Variants in DPP8 observed in about 807,000 individuals in gnomAD.
The protein encoded by DPP8 is dipeptidyl peptidase 8.
In DPP8, 31 loss-of-function variants were observed where a neutral mutation model predicts 107.5. The ratio of observed to expected loss-of-function variants is 0.29; its 90% CI spans 0.22 to 0.39. The LOEUF is 0.39. Among genes scored for constraint, DPP8 ranks in the 10% least tolerant of loss-of-function variants. The probability of loss-of-function intolerance (pLI) is 1.00; values close to 1 mark genes in which losing one functional copy is unlikely to be tolerated. For missense variants in DPP8, 842 were observed against 1,076.1 expected (o/e 0.78, Z 3.04); for synonymous variants, 381 against 356.6 (o/e 1.07, Z -0.77).
intron 15 of DPP8, among the ~76,000 whole-genome samples, chr15:65,462,683 G>A (rs1370047718): frequency 6.6e-6 from 1 of 151,984 alleles, no homozygotes; most frequent in East Asian, 1.9e-4. Flanking sequence ...TGGTTCAAGC[G>A]ATTCTCCTGC....
Position 65,456,390 on chromosome 15 carries a change from T to G in DPP8, c.1972-19A>C. ...ACTGCACCTGAGGAAGAAACACAACTTCAGTTTATCATATGGAAGCATATA... is the reference window on the plus strand; with the variant it reads ...ACTGCACCTGAGGAAGAAACACAACGTCAGTTTATCATATGGAAGCATATA... On this transcript the variant is annotated intron_variant, in intron 15 of 19. Transcript: ENST00000300141. 6.2e-7 allele frequency: 1 copy of G among 1,601,820 alleles called. No individual in the cohort carries two copies. Among genetic ancestry groups the G allele is most frequent in the Non-Finnish European group, 8.5e-7 (1 of 1,176,082 alleles).
At chr15:65,466,077 T>C (rs1052980638) in intron 14 of DPP8, among the ~76,000 whole-genome samples, 1 of 152,208 alleles carries the variant, frequency 6.6e-6, no homozygotes, top group Non-Finnish European at 1.5e-5. Context: ...TTTGTTTACC[T>C]GAGAAATCAT....
At chr15:65,505,516 AAC>A (rs991616716) in intron 3 of DPP8, among the ~76,000 whole-genome samples, 3 of 152,192 alleles carry the variant, frequency 2.0e-5, no homozygotes, top group African/African-American at 7.2e-5. Flanking sequence ...AAAAGTTTAA[AAC>A]AGTTTTGCCA....
At chr15:65,514,691 T>C (rs1255803684) in intron 1 of DPP8, among the ~76,000 whole-genome samples, 1 of 152,180 alleles carries the variant, frequency 6.6e-6, no homozygotes, top group Non-Finnish European at 1.5e-5. Context: ...TTGTATTTTT[T>C]AGTAGAGACG....
chr15:65,493,149 T>C (rs961879837), intron 5 of DPP8, among the ~76,000 whole-genome samples: 3 of 152,078 alleles, frequency 2.0e-5, no homozygotes, highest in Non-Finnish European at 1.5e-5. Context: ...AATAGCTCCA[T>C]CTCAGCTCAC....
intron 3 of DPP8, 62 bp downstream of exon 3, chr15:65,507,181 T>C (rs917737928): frequency 7.9e-5 from 72 of 908,540 alleles, no homozygotes; most frequent in Non-Finnish European, 1.1e-4. Context: ...TCCCAACCTC[T>C]AAATAAATGC....
intron 8 of DPP8, among the ~76,000 whole-genome samples, chr15:65,482,139 C>G (rs1439062458): frequency 6.6e-6 from 1 of 152,030 alleles, no homozygotes; most frequent in African/African-American, 2.4e-5. Flanking sequence ...CTCAAGTGAT[C>G]CTCCTGCCTC....
intron 4 of DPP8, among the ~76,000 whole-genome samples, chr15:65,499,101 G>A (rs1006094363): frequency 7.2e-6 from 1 of 138,908 alleles, no homozygotes; most frequent in African/African-American, 2.8e-5. Flanking sequence ...GTGTGTGTGT[G>A]TGTGTATATA....
intron 11 of DPP8, among the ~76,000 whole-genome samples, chr15:65,478,569 T>C (rs963063872): frequency 2.6e-5 from 4 of 152,148 alleles, no homozygotes; most frequent in African/African-American, 9.7e-5. Context: ...CAAAAATAGT[T>C]TTTTTTAAAT....
At chr15:65,495,605 AAAAC>A (rs947003809) in intron 5 of DPP8, among the ~76,000 whole-genome samples, 4 of 151,818 alleles carry the variant, frequency 2.6e-5, no homozygotes, top group East Asian at 1.9e-4. Flanking sequence ...TTTGTTACAA[AAAAC>A]AAACAAACAG....
intron 11 of DPP8, among the ~76,000 whole-genome samples, chr15:65,476,553 T>C (rs2066406617): frequency 6.6e-6 from 1 of 152,162 alleles, no homozygotes; most frequent in Non-Finnish European, 1.5e-5. Flanking sequence ...TGTGCACTGT[T>C]AGTGGGAATG....
Position 65,468,494 on chromosome 15 carries a change from CAA to C in DPP8, c.1537-1273_1537-1272del, listed in dbSNP as rs10714153. On this transcript the variant is annotated intron_variant, in intron 12 of 19. Transcript: ENST00000300141. ...GGGCAACAGAGCAAGACCCTTATCT[CAA>C]AAAAAAAAAAAAATTCAAATTTTTT... is the stretch of plus-strand genomic sequence containing the variant. Among the ~76,000 whole-genome samples the C allele has an allele frequency of 2.8e-3, 401 of 143,180 alleles. 1 individual carries two copies. Among genetic ancestry groups the C allele is most frequent in the African/African-American group, 8.6e-3 (337 of 39,314 alleles). 93.9% of individuals were successfully genotyped at this position (143,180 alleles called of 152,430 possible).
intron 3 of DPP8, 44 bp from the exon 4 acceptor site, chr15:65,500,823 CATCTTTTGCTTT>C (rs774774652): frequency 2.7e-6 from 4 of 1,469,892 alleles, no homozygotes; most frequent in Non-Finnish European, 3.7e-6. Flanking sequence ...TCTGAAAAAC[CATCTTTTGCTTT>C]TAGCACTGAA....
intron 1 of DPP8, chr15:65,512,817 T>C: frequency 2.2e-6 from 1 of 453,856 alleles, no homozygotes; most frequent in Non-Finnish European, 3.9e-6. Flanking sequence ...GTAGCTTTTA[T>C]AAAAGGCTCT....
chr15:65,509,135 C>G (rs965935172), intron 2 of DPP8, among the ~76,000 whole-genome samples: 10 of 152,100 alleles, frequency 6.6e-5, no homozygotes, highest in Admixed American at 6.6e-5. Flanking sequence ...AGTTATATAT[C>G]AGCTGACATT....
chr15:65,467,194 T>C lies in DPP8; in HGVS notation c.1566A>G (p.Val522=), dbSNP rs746436941. The change falls in exon 13 of 20, where the codon GTA becomes GTG. Residue 522 remains valine, a synonymous_variant. Coordinates refer to ENST00000300141, the MANE Select transcript of DPP8 (RefSeq NM_130434.5). ...NIQVDEVRRL[V]YFEGTKDSPL... is the part of the protein sequence containing the mutation. Reference sequence around the variant, plus strand: ...GGGAGTCTTTGGTGCCTTCAAAATATACCAGCCTTCTGACTTCATCAACTT... The same window carrying C: ...GGGAGTCTTTGGTGCCTTCAAAATACACCAGCCTTCTGACTTCATCAACTT... 6.8e-6 allele frequency: 11 copies of C among 1,614,162 alleles called. No homozygotes were observed. The East Asian group carries it at 1.8e-4, about 26-fold the overall frequency.
At chr15:65,486,394 A>C (rs964516876) in intron 7 of DPP8, among the ~76,000 whole-genome samples, 4 of 151,792 alleles carry the variant, frequency 2.6e-5, no homozygotes, top group African/African-American at 9.7e-5. Flanking sequence ...AGAGCAAAAA[A>C]AAAAACAAAA....
intron 6 of DPP8, among the ~76,000 whole-genome samples, chr15:65,488,579 G>C (rs1465883322): frequency 1.7e-5 from 2 of 117,836 alleles, no homozygotes; most frequent in African/African-American, 7.0e-5. Flanking sequence ...CTGCACTCCA[G>C]CCTGCACAAC....
chr15:65,503,168 C>T (rs183014949), intron 3 of DPP8, among the ~76,000 whole-genome samples: 26 of 152,264 alleles, frequency 1.7e-4, no homozygotes, highest in African/African-American at 5.3e-4. Context: ...AGTGCAATGG[C>T]GCGATCTCGG....
Sources: gnomAD v4.1 joint callset for allele counts (sites outside exome capture counted in the v4.1 genomes callset) on GRCh38, gnomAD v4.1.1 for gene constraint, MANE v1.5 for transcripts, NCBI Gene and HGNC (gene_info 2026-07-23, HGNC 2026-07-21) for gene names.